Variants in MOGAT2 observed in about 807,000 individuals in gnomAD.
MOGAT2 encodes 2-acylglycerol O-acyltransferase 2.
In MOGAT2, 27 loss-of-function variants were observed where a neutral mutation model predicts 31.5. The observed-to-expected ratio is 0.86, with a 90% CI of 0.63 to 1.18. The LOEUF (loss-of-function observed/expected upper bound fraction) is 1.18, where lower values mean the gene tolerates loss of function less well. Among genes scored for constraint, MOGAT2 ranks in the 50% most tolerant of loss-of-function variants. MOGAT2 has a pLI of 0.00. For missense variants in MOGAT2, 436 were observed against 433.2 expected (o/e 1.01, Z -0.06); for synonymous variants, 163 against 170.0 (o/e 0.96, Z 0.32).
At chr11:75,724,722 T>A (rs1331610564) in intron 2 of MOGAT2, among the ~76,000 whole-genome samples, 1 of 152,120 alleles carries the variant, frequency 6.6e-6, no homozygotes, top group East Asian at 1.9e-4. Context: ...TTCCACATCA[T>A]GTCCCATCTC....
intron 1 of MOGAT2, chr11:75,719,647 T>G: frequency 4.2e-6 from 1 of 238,238 alleles, no homozygotes; most frequent in Non-Finnish European, 8.2e-6. Flanking sequence ...GTTGTCCCCA[T>G]TGATTGAGCA....
At chr11:75,724,101 G>A (rs1003845630) in intron 2 of MOGAT2, among the ~76,000 whole-genome samples, 2 of 152,202 alleles carry the variant, frequency 1.3e-5, no homozygotes, top group Non-Finnish European at 2.9e-5. Flanking sequence ...ATGAGCCAGC[G>A]GCAGAACCGG....
chr11:75,727,373 G>A lies in MOGAT2; in HGVS notation c.271-62G>A, dbSNP rs182498759. The A allele has an allele frequency of 1.9e-5, 29 of 1,518,702 alleles. No individual in the cohort carries two copies. In the African/African-American group the frequency reaches 3.7e-4, roughly 19 times the overall value. The allele number at this position is 1,518,702 out of a possible 1,614,324, so 94.1% of individuals were successfully genotyped here. ...AGGTTTCCCAAGGTCACACCAGTGA[G>A]TGGCAGAGTCAGGGCTGGTACACAG... On this transcript the variant is annotated intron_variant, in intron 2 of 5. Transcript: ENST00000198801.
intron 2 of MOGAT2, among the ~76,000 whole-genome samples, chr11:75,720,899 T>A (rs1944371295): frequency 6.6e-6 from 1 of 152,142 alleles, no homozygotes; most frequent in African/African-American, 2.4e-5. Context: ...GCAGAGCAGA[T>A]CCCTGGATTT....
intron 2 of MOGAT2, among the ~76,000 whole-genome samples, chr11:75,726,904 G>A (rs1315738031): frequency 2.0e-5 from 3 of 151,934 alleles, no homozygotes; most frequent in South Asian, 4.2e-4. Flanking sequence ...TCACCATGTT[G>A]GTCTCAAACT....
chr11:75,727,701 A>T lies in MOGAT2; in HGVS notation c.475+62A>T. On this transcript the variant is annotated intron_variant, in intron 3 of 5. Coordinates refer to ENST00000198801, the MANE Select transcript of MOGAT2 (RefSeq NM_025098.4). The stretch of plus-strand genomic sequence containing the variant: ...ACAAATTTTCGGAAGGGTTGCCAAT[A>T]GTTCTGTACTTCTTCCAAGAGCGTG... The T allele has an allele frequency of 2.7e-6, 4 of 1,484,816 alleles. No homozygotes were observed. The South Asian group carries it at 4.8e-5, about 18-fold the overall frequency. The allele number at this position is 1,484,816 out of a possible 1,614,324, so 92.0% of individuals were successfully genotyped here.
At chr11:75,726,142 C>T (rs1033042893) in intron 2 of MOGAT2, among the ~76,000 whole-genome samples, 6 of 152,214 alleles carry the variant, frequency 3.9e-5, no homozygotes, top group Non-Finnish European at 7.3e-5. Context: ...CTACAACGTC[C>T]GTTGGATGCT....
rs183332529 is a variant in MOGAT2, at chr11:75,719,152, C to T, written c.92-840C>T. On this transcript the variant is annotated intron_variant, in intron 1 of 5. Coordinates refer to ENST00000198801, the MANE Select transcript of MOGAT2 (RefSeq NM_025098.4). Reference sequence around the variant, plus strand: ...TAGACATTTTACACATTCCTGTATACCCCCTTTGCACAGATGAGCCAAACA... The same window carrying T: ...TAGACATTTTACACATTCCTGTATATCCCCTTTGCACAGATGAGCCAAACA... Among the ~76,000 whole-genome samples the T allele has an allele frequency of 2.0e-5, 3 of 152,308 alleles. No individual in the cohort carries two copies. In the East Asian group the frequency reaches 5.8e-4, roughly 29 times the overall value.
Position 75,727,425 on chromosome 11 carries a change from G to C in MOGAT2, c.271-10G>C. ...CCCCGCCCTGGCTCAGCAGGTTGCC[G>C]TCCCTGCAGCTGGTCAAGACTGCTG... On this transcript the variant is annotated splice_polypyrimidine_tract_variant and intron_variant, in intron 2 of 5. Coordinates refer to ENST00000198801, the MANE Select transcript of MOGAT2 (RefSeq NM_025098.4). 1 of 1,610,168 alleles carries C rather than the reference G, an allele frequency of 6.2e-7. No homozygotes were observed.
rs748862782 is a variant in MOGAT2, at chr11:75,720,086, C to A, written c.186C>A (p.Asp62Glu). 2.5e-6 allele frequency: 4 copies of A among 1,614,214 alleles called. No individual in the cohort carries two copies. Among genetic ancestry groups the A allele is most frequent in the East Asian group, 2.2e-5 (1 of 44,892 alleles). Residue 62 changes from aspartate (D) to glutamate (E), a missense_variant, in exon 2 of 6, where the codon GAC becomes GAA. Asp to Glu is a conservative substitution (Grantham distance 45). Coordinates refer to ENST00000198801, the MANE Select transcript of MOGAT2 (RefSeq NM_025098.4). ...CGGCCTGGTGGTATCTGGACCGAGACAAGCCACGGCAGGGGGGCCGGCACA... is the reference window on the plus strand; with the variant it reads ...CGGCCTGGTGGTATCTGGACCGAGAAAAGCCACGGCAGGGGGGCCGGCACA... ...LYAAWWYLDR[D>E]KPRQGGRHIQ...
Position 75,717,984 on chromosome 11 carries a change from G to C in MOGAT2, c.91+5G>C. The C allele has an allele frequency of 1.9e-6, 3 of 1,614,092 alleles. No homozygotes were observed. Among genetic ancestry groups the C allele is most frequent in the Non-Finnish European group, 2.5e-6 (3 of 1,179,948 alleles). ...TCTTCTCCTTCTTGGCACTGGGTAAGTTGGGCTGCACTGTAAGACGGGAGA... is the reference window on the plus strand; with the variant it reads ...TCTTCTCCTTCTTGGCACTGGGTAACTTGGGCTGCACTGTAAGACGGGAGA... On this transcript the variant is annotated splice_donor_5th_base_variant and intron_variant, in intron 1 of 5. Coordinates refer to ENST00000198801, the MANE Select transcript of MOGAT2 (RefSeq NM_025098.4).
rs796911647 is a variant in MOGAT2 at position 75,724,659 on chromosome 11, C to CA, written c.271-2763dup. Among the ~76,000 whole-genome samples the CA allele has an allele frequency of 3.3e-3, 468 of 139,852 alleles. 1 individual carries two copies. The highest frequency in any genetic ancestry group is 9.9e-3 in the African/African-American group (379 of 38,128). The allele number at this position is 139,852 out of a possible 152,430, so 91.7% of individuals were successfully genotyped here. On this transcript the variant is annotated intron_variant, in intron 2 of 5. Coordinates refer to ENST00000198801, the MANE Select transcript of MOGAT2 (RefSeq NM_025098.4). ...CCTGGGTGACAGAGTGAGACTGTCTCAAAAAAAAAAAAATTCAAAAACAGA... is the reference window on the plus strand; with the variant it reads ...CCTGGGTGACAGAGTGAGACTGTCTCAAAAAAAAAAAAAATTCAAAAACAGA...
In MOGAT2 at chr11:75,727,510, G is replaced by A. The variant is rs777211519; in HGVS notation, c.346G>A (p.Gly116Arg). The A allele has an allele frequency of 2.4e-5, 39 of 1,614,126 alleles. No homozygotes were observed. The highest frequency in any genetic ancestry group is 1.6e-4 in the South Asian group (15 of 91,074). Residue 116 changes from glycine (G) to arginine (R), a missense_variant, in exon 3 of 6, where the codon GGA (glycine) becomes AGA (arginine). Gly to Arg is a moderately radical substitution (Grantham distance 125). Transcript: ENST00000198801. ...GFHPHGVLAV[G>R]AFANLCTEST... is the part of the protein sequence containing the mutation. ...CCACCCCCATGGAGTCCTGGCAGTC[G>A]GAGCCTTTGCCAACCTGTGCACTGA...
chr11:75,731,278 T>G lies in MOGAT2; in HGVS notation c.997T>G (p.Phe333Val). Residue 333 changes from phenylalanine (F) to valine (V), a missense_variant, in exon 6 of 6, where the codon TTC becomes GTC. Coordinates refer to ENST00000198801, the MANE Select transcript of MOGAT2 (RefSeq NM_025098.4). ...CATCCCTGCTGACCAGCACTTGGAG[T>G]TCTGCTGAGCCCAAAGGGCAGGGCC... ...FNIPADQHLE[F>V]C The G allele has an allele frequency of 6.2e-7, 1 of 1,613,980 alleles. No individual in the cohort carries two copies. The highest frequency in any genetic ancestry group is 8.5e-7 in the Non-Finnish European group (1 of 1,179,934).
chr11:75,720,358 G>A (rs1476596258), intron 2 of MOGAT2, among the ~76,000 whole-genome samples, 188 bp downstream of exon 2: 2 of 152,228 alleles, frequency 1.3e-5, no homozygotes, highest in East Asian at 3.8e-4. Context: ...TCCGATCATG[G>A]TTTCGCATCT....
Position 75,720,116 on chromosome 11 carries a change from G to A in MOGAT2, c.216G>A (p.Gln72=). ...CACGGCAGGGGGGCCGGCACATCCA[G>A]GCCATCAGGTGCTGGACTATATGGA... ...DKPRQGGRHI[Q]AIRCWTIWKY... Residue 72 remains glutamine (Q), a synonymous_variant, in exon 2 of 6, where the codon CAG becomes CAA. Transcript: ENST00000198801. 1 of 1,614,154 alleles carries A rather than the reference G, an allele frequency of 6.2e-7. No individual in the cohort carries two copies. Among genetic ancestry groups the A allele is most frequent in the Non-Finnish European group, 8.5e-7 (1 of 1,180,034 alleles).
chr11:75,729,836 C>A lies in MOGAT2; in HGVS notation c.850+847C>A, dbSNP rs200731621. 1.7e-4 allele frequency among the ~76,000 whole-genome samples: 25 copies of A among 151,464 alleles called. No homozygotes were observed. The East Asian group carries it at 4.1e-3, about 25-fold the overall frequency. On this transcript the variant is annotated intron_variant, in intron 5 of 5. Coordinates refer to ENST00000198801, the MANE Select transcript of MOGAT2 (RefSeq NM_025098.4). ...CTCAGCTCACTGCAACCTCCACCTC[C>A]CAAGTTCAAGCGATTCTCCTGCCTC...
chr11:75,718,003 C>T (rs771758357), intron 1 of MOGAT2, 24 bp downstream of exon 1: 33 of 1,608,192 alleles, frequency 2.1e-5, no homozygotes, highest in Middle Eastern at 1.6e-4. Flanking sequence ...CACTGTAAGA[C>T]GGGAGACCAC....
chr11:75,719,228 A>C (rs1944356051), intron 1 of MOGAT2: 1 of 152,278 alleles, frequency 6.6e-6, no homozygotes, highest in Admixed American at 6.5e-5. Context: ...TCAGAGGGGA[A>C]TTCCACACTA....
Sources: allele counts gnomAD v4.1 joint callset (sites outside exome capture counted in the v4.1 genomes callset), GRCh38; gene constraint gnomAD v4.1.1; transcripts MANE v1.5; gene names NCBI Gene and HGNC (gene_info 2026-07-23, HGNC 2026-07-21).